The following NBAS variants were observed in gnomAD, a reference collection of about 807,000 sequenced individuals.
The protein encoded by NBAS is NBAS subunit of NRZ tethering complex.
NBAS carries 219 observed loss-of-function variants against 302.5 expected under a neutral mutation model. The ratio of observed to expected loss-of-function variants is 0.72; its 90% CI spans 0.65 to 0.81. The LOEUF is 0.81. Ranked by LOEUF, NBAS falls within the 30% of genes least tolerant of loss-of-function variation. The pLI, the probability that NBAS is intolerant of heterozygous loss-of-function variation, is 0.00. For synonymous variants in NBAS, 1,118 were observed against 1,021.6 expected (o/e 1.09, Z -1.80); for missense variants, 2,932 against 2,841.6 (o/e 1.03, Z -0.72).
At chr2:14,895,538 A>G in the NBAS span, among the ~76,000 whole-genome samples, 1 of 152,290 alleles carries the variant, frequency 6.6e-6, no homozygotes, top group Admixed American at 6.5e-5. Flanking sequence ...GGAGATGGAG[A>G]CCATCCTGGC....
In NBAS at chr2:15,533,144, G is replaced by A. The variant is rs532118423; in HGVS notation, c.746+1399C>T. Reference sequence around the variant, plus strand: ...GAGAGCACTAACGAGAATGTGAAACGAGAGACACTTTCATAAGCTGCTGTT... The same window carrying A: ...GAGAGCACTAACGAGAATGTGAAACAAGAGACACTTTCATAAGCTGCTGTT... On this transcript the variant is annotated intron_variant, in intron 9 of 51. Coordinates refer to ENST00000281513, the MANE Select transcript of NBAS (RefSeq NM_015909.4). 4.6e-5 allele frequency among the ~76,000 whole-genome samples: 7 copies of A among 152,102 alleles called. No individual in the cohort carries two copies. The South Asian group carries it at 1.0e-3, about 23-fold the overall frequency.
intron 41 of NBAS, among the ~76,000 whole-genome samples, chr2:15,288,903 C>G (rs1260781134): frequency 1.3e-5 from 2 of 152,200 alleles, no homozygotes; most frequent in African/African-American, 4.8e-5. Flanking sequence ...TACTGCCAGT[C>G]TCTCTGGCAT....
chr2:15,561,281 C>A lies in NBAS; in HGVS notation c.24G>T (p.Pro8=). 6.2e-7 allele frequency: 1 copy of A among 1,613,674 alleles called. No homozygotes were observed. The highest frequency in any genetic ancestry group is 8.5e-7 in the Non-Finnish European group (1 of 1,180,034). ...CCTCTGCAGTGCCTGGACTCAAAGC[C>A]GGCCCTGACTCGGGGGCCGCCATGT... is the stretch of plus-strand genomic sequence containing the variant. MAAPESG[P]ALSPGTAEGE... The change falls in exon 1 of 52, where the codon CCG becomes CCT. Residue 8 remains proline, a synonymous_variant. Transcript: ENST00000281513.
At chr2:15,028,551 T>A in the NBAS span, among the ~76,000 whole-genome samples, 1 of 152,214 alleles carries the variant, frequency 6.6e-6, no homozygotes, top group Admixed American at 6.5e-5. Context: ...TGTACCGGAA[T>A]AAAATCCAAA....
chr2:15,103,695 T>A, the NBAS span, among the ~76,000 whole-genome samples: 1 of 152,120 alleles, frequency 6.6e-6, no homozygotes, highest in Non-Finnish European at 1.5e-5. Context: ...AAGGGGCAGT[T>A]TTGCGCCTAA....
At chr2:14,847,382 T>TAAAAAAAAAAAAAAAA in the NBAS span, among the ~76,000 whole-genome samples, 7 of 53,166 alleles carry the variant, frequency 1.3e-4, no homozygotes, top group East Asian at 7.3e-4. Flanking sequence ...GACTCTATCT[T>TAAAAAAAAAAAAAAAA]AAAAAAAAAA....
chr2:15,315,709 C>A (rs1261241195), intron 38 of NBAS, among the ~76,000 whole-genome samples: 1 of 152,240 alleles, frequency 6.6e-6, no homozygotes, highest in African/African-American at 2.4e-5. Flanking sequence ...TCTCTCTTCT[C>A]AAATCCCTAA....
chr2:15,157,715 G>T, the NBAS span, among the ~76,000 whole-genome samples: 1 of 152,208 alleles, frequency 6.6e-6, no homozygotes, highest in Non-Finnish European at 1.5e-5. Context: ...CAAAAGCCCT[G>T]TCATGACAAC....
At chr2:14,801,594 T>A in the NBAS span, among the ~76,000 whole-genome samples, 1 of 152,256 alleles carries the variant, frequency 6.6e-6, no homozygotes, top group East Asian at 1.9e-4. Flanking sequence ...CTGTTTTAAT[T>A]AATTCATCAT....
chr2:15,366,816 T>C, intron 31 of NBAS, 123 bp from the exon 32 acceptor site: 1 of 867,388 alleles, frequency 1.2e-6, no homozygotes, highest in South Asian at 1.4e-5. Flanking sequence ...TGAAGGAGAA[T>C]TAAGTAAAAG....
At chr2:15,430,845 C>T (rs1218203020) in intron 21 of NBAS, among the ~76,000 whole-genome samples, 1 of 151,826 alleles carries the variant, frequency 6.6e-6, no homozygotes, top group Non-Finnish European at 1.5e-5. Flanking sequence ...CTCGCTCGGT[C>T]GCCCAGTCTG....
chr2:15,431,290 C>CAA (rs139438008), intron 21 of NBAS, among the ~76,000 whole-genome samples: 1 of 151,890 alleles, frequency 6.6e-6, no homozygotes, highest in African/African-American at 2.4e-5. Flanking sequence ...CATGTAAAAA[C>CAA]AAAAAAACCC....
At chr2:15,136,750 T>C in the NBAS span, among the ~76,000 whole-genome samples, 2 of 152,142 alleles carry the variant, frequency 1.3e-5, no homozygotes, top group African/African-American at 4.8e-5. Flanking sequence ...AGGGACCTGG[T>C]GGGACGTGAT....
chr2:15,461,898 C>A, intron 19 of NBAS, 107 bp from the exon 20 acceptor site: 2 of 678,954 alleles, frequency 2.9e-6, no homozygotes, highest in South Asian at 1.7e-5. Flanking sequence ...ATAAATAAGG[C>A]CTGAATTAAT....
At chr2:15,531,065 C>T (rs1454006234) in intron 9 of NBAS, among the ~76,000 whole-genome samples, 1 of 152,110 alleles carries the variant, frequency 6.6e-6, no homozygotes, top group East Asian at 1.9e-4. Flanking sequence ...TCCTACAATT[C>T]TATCCGGTCA....
intron 10 of NBAS, among the ~76,000 whole-genome samples, chr2:15,505,192 C>CTT: frequency 6.6e-6 from 1 of 152,298 alleles, no homozygotes; most frequent in South Asian, 2.1e-4. Flanking sequence ...TTGTGACCTG[C>CTT]CACAAGGTGT....
chr2:15,444,227 G>A (rs1310851492), intron 21 of NBAS, among the ~76,000 whole-genome samples: 1 of 151,960 alleles, frequency 6.6e-6, no homozygotes, highest in Non-Finnish European at 1.5e-5. Flanking sequence ...CAGAGCTGGA[G>A]GCATCATACT....
At position 15,482,925 on chromosome 2, in the gene NBAS, G is replaced by C. The variant is rs187477419; in HGVS notation, c.1084-4636C>G. On this transcript the variant is annotated intron_variant, in intron 12 of 51. Coordinates refer to ENST00000281513, the MANE Select transcript of NBAS (RefSeq NM_015909.4). Reference sequence around the variant, plus strand: ...AGTAAGGTATCATGTCTCCCCACCCGACATATTCATGCTACCACATTACTG... The same window carrying C: ...AGTAAGGTATCATGTCTCCCCACCCCACATATTCATGCTACCACATTACTG... 1.8e-4 allele frequency among the ~76,000 whole-genome samples: 27 copies of C among 152,106 alleles called. 1 individual carries two copies. In the East Asian group the frequency reaches 5.2e-3, roughly 29 times the overall value.
In NBAS at chr2:15,531,262, T is replaced by C. The variant is rs534722688; in HGVS notation, c.746+3281A>G. On this transcript the variant is annotated intron_variant, in intron 9 of 51. Coordinates refer to ENST00000281513, the MANE Select transcript of NBAS (RefSeq NM_015909.4). ...AACAGGTCACGCAACCAAAGAGAAA[T>C]AGGGAAGCCATCTTCTGGATAACGG... Among the ~76,000 whole-genome samples, 4 of 151,902 alleles carry C rather than the reference T, an allele frequency of 2.6e-5. No homozygotes were observed. The South Asian group carries it at 8.4e-4, about 32-fold the overall frequency.
Sources: gnomAD v4.1 joint callset for allele counts (sites outside exome capture counted in the v4.1 genomes callset) on GRCh38, gnomAD v4.1.1 for gene constraint, MANE v1.5 for transcripts, NCBI Gene and HGNC (gene_info 2026-07-23, HGNC 2026-07-21) for gene names.